The following TMX3 variants were observed in gnomAD, a reference collection of about 807,000 sequenced individuals.
The protein encoded by TMX3 is protein disulfide-isomerase TMX3.
Under a neutral mutation model 64.4 loss-of-function variants are expected in TMX3, and 40 were observed. The ratio of observed to expected loss-of-function variants is 0.62; its 90% CI spans 0.48 to 0.81. The LOEUF (loss-of-function observed/expected upper bound fraction) is 0.81, where lower values mean the gene tolerates loss of function less well. Among genes scored for constraint, TMX3 ranks in the 30% least tolerant of loss-of-function variants. TMX3 has a pLI of 0.00. For synonymous variants in TMX3, 189 were observed against 175.7 expected (o/e 1.08, Z -0.60); for missense variants, 497 against 534.5 (o/e 0.93, Z 0.69).
intron 1 of TMX3, 43 bp from the exon 2 acceptor site, chr18:68,713,943 T>A: frequency 2.1e-6 from 3 of 1,412,504 alleles, no homozygotes; most frequent in Non-Finnish European, 2.9e-6. Flanking sequence ...TGCTGATTAT[T>A]TGGCTCATAC....
chr18:68,707,424 A>G (rs1599340812), intron 4 of TMX3, among the ~76,000 whole-genome samples: 2 of 152,296 alleles, frequency 1.3e-5, no homozygotes, highest in East Asian at 3.9e-4. Flanking sequence ...AATCTTGGCT[A>G]TGTTTTTCCC....
chr18:68,710,797 T>C (rs1244416190), intron 3 of TMX3, among the ~76,000 whole-genome samples: 2 of 152,220 alleles, frequency 1.3e-5, no homozygotes, highest in South Asian at 2.1e-4. Context: ...TGTTCAAACA[T>C]ACAGAAAAGG....
chr18:68,697,734 T>C (rs1314031789), intron 7 of TMX3, 198 bp downstream of exon 7: 2 of 494,626 alleles, frequency 4.0e-6, no homozygotes, highest in Non-Finnish European at 7.1e-6. Context: ...ACTCACTTTT[T>C]ACACACTTCT....
intron 4 of TMX3, among the ~76,000 whole-genome samples, chr18:68,703,508 G>T (rs541108752): frequency 1.6e-4 from 24 of 152,044 alleles, no homozygotes; most frequent in African/African-American, 5.8e-4. Context: ...TCATTTCCTC[G>T]ACCTCAGTAT....
intron 8 of TMX3, among the ~76,000 whole-genome samples, chr18:68,691,582 G>A (rs1480898024): frequency 6.6e-6 from 1 of 152,118 alleles, no homozygotes; most frequent in Non-Finnish European, 1.5e-5. Context: ...GTTTGCTATA[G>A]TAAAAACCAT....
At chr18:68,685,304 T>C (rs1913834891) in intron 10 of TMX3, among the ~76,000 whole-genome samples, 1 of 152,210 alleles carries the variant, frequency 6.6e-6, no homozygotes, top group South Asian at 2.1e-4. Context: ...GGTACATACA[T>C]GTAGGATTAA....
intron 2 of TMX3, among the ~76,000 whole-genome samples, chr18:68,712,926 A>T (rs309252): frequency 6.6e-6 from 1 of 151,576 alleles, no homozygotes; most frequent in Non-Finnish European, 1.5e-5. Context: ...CCAGGTAGTC[A>T]ATCAGGACAA....
intron 10 of TMX3, among the ~76,000 whole-genome samples, chr18:68,684,689 T>G (rs1316429174): frequency 1.3e-5 from 2 of 152,188 alleles, no homozygotes; most frequent in African/African-American, 4.8e-5. Context: ...CAGTGACAAA[T>G]TCCCTTCCAC....
At chr18:68,677,302 T>C (rs1055568140) in intron 15 of TMX3, 109 bp from the exon 16 acceptor site, 2 of 1,213,088 alleles carry the variant, frequency 1.6e-6, no homozygotes, top group Non-Finnish European at 2.3e-6. Flanking sequence ...ATTCAGCTTG[T>C]TTTTAGTTCC....
At chr18:68,694,416 G>A (rs1416609884) in intron 8 of TMX3, among the ~76,000 whole-genome samples, 1 of 152,220 alleles carries the variant, frequency 6.6e-6, no homozygotes. Flanking sequence ...ACATGGAGCA[G>A]GTGCCTGGAG....
rs751171833 is a variant in TMX3 at position 68,682,647 on chromosome 18, A to C, written c.905+278T>G. ...GGTATGCATTAAGTAGAAGCCATGA[A>C]ATTTACACGTTTTGGAATAATGGCT... On this transcript the variant is annotated intron_variant, in intron 13 of 15. Transcript: ENST00000299608. Among the ~76,000 whole-genome samples, 3 of 152,140 alleles carry C rather than the reference A, an allele frequency of 2.0e-5. No homozygotes were observed. The South Asian group carries it at 6.2e-4, about 31-fold the overall frequency.
chr18:68,690,284 CCCA>C (rs1229202536), intron 9 of TMX3, among the ~76,000 whole-genome samples: 4 of 151,968 alleles, frequency 2.6e-5, no homozygotes, highest in Admixed American at 6.6e-5. Flanking sequence ...GCCACAGGAG[CCCA>C]CCGAGCACTG....
chr18:68,684,334 C>A (rs1220262018), intron 11 of TMX3, 91 bp from the exon 12 acceptor site: 49 of 1,496,734 alleles, frequency 3.3e-5, no homozygotes, highest in Non-Finnish European at 4.3e-5. Context: ...CATCTAATTG[C>A]TGCAGGAAAA....
At chr18:68,700,182 T>C (rs1307936283) in intron 6 of TMX3, among the ~76,000 whole-genome samples, 2 of 152,088 alleles carry the variant, frequency 1.3e-5, no homozygotes, top group Non-Finnish European at 2.9e-5. Context: ...ACAAAATGAA[T>C]TTAAATGTGA....
chr18:68,697,275 A>T lies in TMX3; in HGVS notation c.521T>A (p.Leu174Ter), dbSNP rs1163371528. The T allele has an allele frequency of 6.3e-7, 1 of 1,580,892 alleles. No individual in the cohort carries two copies. The highest frequency in any genetic ancestry group is 8.6e-7 in the Non-Finnish European group (1 of 1,162,496). ...KEKYIDAASE[L>*]IVYTYFFSAS... ...AGAAAAGAAGTATGTATATACAATC[A>T]ATTCTGAAGCAGCATCTATGTATTT... The change falls in exon 8 of 16, where the codon TTG becomes TAG. Residue 174 changes from leucine (L) to a stop codon, truncating the protein, a stop_gained. Coordinates refer to ENST00000299608, the MANE Select transcript of TMX3 (RefSeq NM_019022.5). LOFTEE classifies it high-confidence loss of function.
At chr18:68,682,020 G>A (rs746324339) in intron 13 of TMX3, among the ~76,000 whole-genome samples, 6 of 152,134 alleles carry the variant, frequency 3.9e-5, no homozygotes, top group Non-Finnish European at 7.3e-5. Flanking sequence ...AATGTTTCCT[G>A]AGCCCTTCCA....
chr18:68,689,006 C>T (rs565435557), intron 9 of TMX3: 1 of 152,252 alleles, frequency 6.6e-6, no homozygotes, highest in South Asian at 2.1e-4. Context: ...TCATCCAATA[C>T]ACCCATGTAA....
At chr18:68,686,697 C>G (rs1913994304) in intron 10 of TMX3, 2 of 979,114 alleles carry the variant, frequency 2.0e-6, no homozygotes, top group Non-Finnish European at 2.4e-6. Context: ...CAGAGAGAGA[C>G]TCCATCTCAA....
chr18:68,679,034 A>T (rs2145004674), intron 15 of TMX3, among the ~76,000 whole-genome samples: 1 of 152,264 alleles, frequency 6.6e-6, no homozygotes, highest in East Asian at 1.9e-4. Context: ...GTAAGATCTA[A>T]AATTTTATTT....
Sources: allele counts gnomAD v4.1 joint callset (sites outside exome capture counted in the v4.1 genomes callset), GRCh38; gene constraint gnomAD v4.1.1; transcripts MANE v1.5; gene names NCBI Gene and HGNC (gene_info 2026-07-23, HGNC 2026-07-21).